Variants in FMN1 observed in about 807,000 individuals in gnomAD.
FMN1 encodes the protein formin 1, also known as formin-1.
A neutral mutation model predicts 132.4 loss-of-function variants in FMN1; 110 were observed. The observed-to-expected ratio is 0.83, with a 90% CI of 0.71 to 0.97. The LOEUF is 0.97. Among genes scored for constraint, FMN1 ranks in the 50% least tolerant of loss-of-function variants. The pLI is 0.00. For synonymous variants in FMN1, 722 were observed against 651.7 expected (o/e 1.11, Z -1.64); for missense variants, 1,792 against 1,705.3 (o/e 1.05, Z -0.90).
At chr15:33,123,298 C>T (rs931004028) in intron 4 of FMN1, among the ~76,000 whole-genome samples, 3 of 151,986 alleles carry the variant, frequency 2.0e-5, no homozygotes, top group Non-Finnish European at 4.4e-5. Flanking sequence ...TCATGTCACT[C>T]CTTTGCTCAA....
At chr15:32,864,616 T>A (rs554568315) in intron 16 of FMN1, among the ~76,000 whole-genome samples, 1 of 152,316 alleles carries the variant, frequency 6.6e-6, no homozygotes, top group South Asian at 2.1e-4. Flanking sequence ...AACTCCGAAT[T>A]CCCAGTTGTC....
chr15:32,899,084 CTG>C (rs1488124151), intron 14 of FMN1, among the ~76,000 whole-genome samples, 191 bp from the exon 15 acceptor site: 6 of 152,178 alleles, frequency 3.9e-5, no homozygotes, highest in Non-Finnish European at 7.3e-5. Context: ...AGAAATGACA[CTG>C]TACTATCCTT....
chr15:32,977,691 T>G (rs1418786735), intron 7 of FMN1, among the ~76,000 whole-genome samples: 1 of 152,202 alleles, frequency 6.6e-6, no homozygotes, highest in Non-Finnish European at 1.5e-5. Flanking sequence ...AAAGCTTCTT[T>G]GAACACATCT....
chr15:33,171,696 T>C (rs1265283232), intron 3 of FMN1, among the ~76,000 whole-genome samples: 3 of 152,186 alleles, frequency 2.0e-5, no homozygotes, highest in Non-Finnish European at 2.9e-5. Flanking sequence ...CCCTATTTCT[T>C]TTCTTCAGTC....
intron 4 of FMN1, among the ~76,000 whole-genome samples, chr15:33,127,957 G>A (rs1187912065): frequency 1.3e-5 from 2 of 151,954 alleles, no homozygotes; most frequent in Non-Finnish European, 2.9e-5. Context: ...ACAGGAGAAA[G>A]GAAAGAAAGG....
intron 4 of FMN1, among the ~76,000 whole-genome samples, chr15:33,097,150 A>T (rs1181950327): frequency 6.6e-6 from 1 of 152,084 alleles, no homozygotes; most frequent in Non-Finnish European, 1.5e-5. Context: ...TACAAAAATC[A>T]GCCAAGCCTG....
chr15:32,847,748 G>A (rs985720274), intron 17 of FMN1, among the ~76,000 whole-genome samples: 3 of 152,066 alleles, frequency 2.0e-5, no homozygotes, highest in African/African-American at 4.8e-5. Flanking sequence ...CCAGCTACTC[G>A]GGAGGCTAAG....
chr15:32,908,683 C>T, intron 11 of FMN1, 105 bp from the exon 12 acceptor site: 1 of 678,194 alleles, frequency 1.5e-6, no homozygotes, highest in Non-Finnish European at 2.5e-6. Context: ...GGTTCCTAGA[C>T]TAGCAGCATC....
chr15:33,033,494 T>C (rs2036043207), intron 6 of FMN1, among the ~76,000 whole-genome samples: 1 of 152,190 alleles, frequency 6.6e-6, no homozygotes, highest in Non-Finnish European at 1.5e-5. Flanking sequence ...GAAGCTCTTA[T>C]CCCTCTTACT....
chr15:32,779,609 A>T (rs1207566087), intron 19 of FMN1, among the ~76,000 whole-genome samples: 1 of 152,216 alleles, frequency 6.6e-6, no homozygotes, highest in East Asian at 1.9e-4. Flanking sequence ...CAATATATGC[A>T]ATCAAGAAAA....
At chr15:33,107,086 C>T (rs1162400214) in intron 4 of FMN1, among the ~76,000 whole-genome samples, 2 of 152,034 alleles carry the variant, frequency 1.3e-5, no homozygotes, top group Non-Finnish European at 2.9e-5. Context: ...CAGTCTTTCC[C>T]ACCTAATTAA....
At chr15:32,852,686 C>G (rs1266868797) in intron 17 of FMN1, among the ~76,000 whole-genome samples, 2 of 152,146 alleles carry the variant, frequency 1.3e-5, no homozygotes, top group Non-Finnish European at 2.9e-5. Flanking sequence ...TTTTATATTA[C>G]TGTTAGTTAT....
intron 6 of FMN1, among the ~76,000 whole-genome samples, chr15:33,042,357 T>A (rs2036478613): frequency 6.6e-6 from 1 of 152,142 alleles, no homozygotes; most frequent in South Asian, 2.1e-4. Context: ...AAAATTACAA[T>A]AGGATCATTT....
intron 8 of FMN1, among the ~76,000 whole-genome samples, chr15:32,964,818 T>A (rs928659594): frequency 6.6e-6 from 1 of 152,228 alleles, no homozygotes; most frequent in Non-Finnish European, 1.5e-5. Context: ...TTAAAATACA[T>A]GATTCATAGT....
intron 6 of FMN1, among the ~76,000 whole-genome samples, chr15:33,008,481 C>G (rs2034534119): frequency 6.6e-6 from 1 of 151,516 alleles, no homozygotes; most frequent in Non-Finnish European, 1.5e-5. Context: ...TCAGAGCACT[C>G]TATTTTTAAC....
intron 7 of FMN1, among the ~76,000 whole-genome samples, chr15:32,981,504 C>T (rs1231947271): frequency 6.8e-6 from 1 of 145,986 alleles, no homozygotes; most frequent in Non-Finnish European, 1.5e-5. Flanking sequence ...GGCAACAGAG[C>T]AAGACTCCAT....
At chr15:32,816,021 G>A (rs1382160029) in intron 17 of FMN1, among the ~76,000 whole-genome samples, 3 of 152,194 alleles carry the variant, frequency 2.0e-5, no homozygotes, top group Admixed American at 6.5e-5. Flanking sequence ...ATGTTTGTAA[G>A]GTGCTCGGCC....
chr15:33,065,087 C>A lies in FMN1; in HGVS notation c.2044-13G>T, dbSNP rs1044143390. On this transcript the variant is annotated splice_polypyrimidine_tract_variant and intron_variant, in intron 5 of 20. Transcript: ENST00000616417. Reference sequence around the variant, plus strand: ...GGCTGTGGTCAGGCTGTTGAAAGAGCAGGCAAATAGTAAGTGGAATGTAGT... The same window carrying A: ...GGCTGTGGTCAGGCTGTTGAAAGAGAAGGCAAATAGTAAGTGGAATGTAGT... 1.3e-6 allele frequency: 2 copies of A among 1,574,186 alleles called. No homozygotes were observed. The highest frequency in any genetic ancestry group is 2.7e-5 in the African/African-American group (2 of 73,926).
chr15:32,866,192 C>T lies in FMN1; in HGVS notation c.3836-9085G>A, dbSNP rs544332482. On this transcript the variant is annotated intron_variant, in intron 16 of 20. Coordinates refer to ENST00000616417, the MANE Select transcript of FMN1 (RefSeq NM_001277313.2). ...TCTATACATATGTAACAAACCTGCA[C>T]GTTGTGCACATGTACCCTAGAACTT... is the stretch of plus-strand genomic sequence containing the variant. Among the ~76,000 whole-genome samples, 7 of 146,748 alleles carry T rather than the reference C, an allele frequency of 4.8e-5. No homozygotes were observed. The South Asian group carries it at 1.1e-3, about 22-fold the overall frequency.
Sources: allele counts gnomAD v4.1 joint callset (sites outside exome capture counted in the v4.1 genomes callset), GRCh38; gene constraint gnomAD v4.1.1; transcripts MANE v1.5; gene names NCBI Gene and HGNC (gene_info 2026-07-23, HGNC 2026-07-21).